ENTPD1: variants seen among roughly 807,000 people sequenced by gnomAD.
The protein encoded by ENTPD1 is ATP diphosphohydrolase.
ENTPD1 carries 33 observed loss-of-function variants against 57.0 expected under a neutral mutation model. The observed-to-expected ratio is 0.58, with a 90% CI of 0.44 to 0.77. The LOEUF is 0.77. Among genes scored for constraint, ENTPD1 ranks in the 30% least tolerant of loss-of-function variants. The probability of loss-of-function intolerance (pLI) is 0.00; values close to 1 mark genes in which losing one functional copy is unlikely to be tolerated. For synonymous variants in ENTPD1, 202 were observed against 218.8 expected (o/e 0.92, Z 0.68); for missense variants, 501 against 603.4 (o/e 0.83, Z 1.78).
At chr10:95,773,947 C>G (rs1057490388) in intron 1 of ENTPD1, among the ~76,000 whole-genome samples, 1 of 152,192 alleles carries the variant, frequency 6.6e-6, no homozygotes, top group African/African-American at 2.4e-5. Flanking sequence ...TACACTCCCA[C>G]CAACAGTGTA....
intron 8 of ENTPD1, among the ~76,000 whole-genome samples, chr10:95,863,774 C>G (rs190685484): frequency 2.6e-5 from 4 of 152,332 alleles, no homozygotes. Flanking sequence ...TATAAAACAT[C>G]TGGCATAGTT....
At chr10:95,795,921 C>T (rs1196989347) in intron 1 of ENTPD1, among the ~76,000 whole-genome samples, 1 of 152,104 alleles carries the variant, frequency 6.6e-6, no homozygotes, top group Non-Finnish European at 1.5e-5. Flanking sequence ...GAAAAAATAT[C>T]CCATGGAGTT....
intron 3 of ENTPD1, among the ~76,000 whole-genome samples, chr10:95,841,839 T>G (rs1258911839): frequency 6.6e-6 from 1 of 152,176 alleles, no homozygotes; most frequent in Non-Finnish European, 1.5e-5. Context: ...TGTTCCTCTT[T>G]CTTGTAACAG....
chr10:95,844,816 T>G, intron 5 of ENTPD1, 181 bp downstream of exon 5: 5 of 761,820 alleles, frequency 6.6e-6, no homozygotes, highest in Non-Finnish European at 1.1e-5. Context: ...TATAATTCTC[T>G]TACAAGACCT....
At chr10:95,707,663 G>A (rs1326164660), upstream of ENTPD1, among the ~76,000 whole-genome samples, 3 of 152,160 alleles carry the variant, frequency 2.0e-5, no homozygotes, top group African/African-American at 7.2e-5. Context: ...GGAGTGCAGT[G>A]GTGCAATCTT....
At chr10:95,697,849 T>C in the ENTPD1 span, among the ~76,000 whole-genome samples, 2 of 152,064 alleles carry the variant, frequency 1.3e-5, no homozygotes, top group African/African-American at 4.8e-5. Context: ...AGACAGAAAA[T>C]TGGAACCAAG....
At chr10:95,695,857 T>A in the ENTPD1 span, among the ~76,000 whole-genome samples, 1 of 152,218 alleles carries the variant, frequency 6.6e-6, no homozygotes, top group Admixed American at 6.5e-5. Flanking sequence ...TGTTGAACTC[T>A]TTAGAATTAA....
chr10:95,823,454 G>A, intron 2 of ENTPD1, 90 bp downstream of exon 2: 2 of 1,592,918 alleles, frequency 1.3e-6, no homozygotes, highest in South Asian at 1.1e-5. Context: ...TAGAGCATAG[G>A]GGACGAGTTG....
chr10:95,796,133 A>G (rs945149556), intron 1 of ENTPD1, among the ~76,000 whole-genome samples: 5 of 152,204 alleles, frequency 3.3e-5, no homozygotes, highest in African/African-American at 1.2e-4. Context: ...GTTGTGTACT[A>G]AAAGTCTAAA....
rs986526423 is a variant in ENTPD1, at chr10:95,868,575, T to C, written c.*2192T>C. On this transcript the variant is annotated 3_prime_UTR_variant, in exon 10 of 10. Transcript: ENST00000371205. ...CCGCTTTTTTCCTTCTGTCTGCGTA[T>C]ACAAAGCACTGTCATGCACACAATC... 13 of 985,308 alleles carry C rather than the reference T, an allele frequency of 1.3e-5. No individual in the cohort carries two copies. Among genetic ancestry groups the C allele is most frequent in the Non-Finnish European group, 1.6e-5 (13 of 829,948 alleles). 61.0% of individuals were successfully genotyped at this position (985,308 alleles called of 1,614,324 possible).
rs1326235031 is a variant in ENTPD1, at chr10:95,873,144, T to G, written c.*6761T>G. 1 of 983,802 alleles carries G rather than the reference T, an allele frequency of 1.0e-6. No homozygotes were observed. Among genetic ancestry groups the G allele is most frequent in the East Asian group, 1.1e-4 (1 of 8,822 alleles). The allele number at this position is 983,802 out of a possible 1,614,324, so 60.9% of individuals were successfully genotyped here. On this transcript the variant is annotated 3_prime_UTR_variant, in exon 10 of 10. Coordinates refer to ENST00000371205, the MANE Select transcript of ENTPD1 (RefSeq NM_001776.6). ...CCAACAAGCTGCCAGGTAAAGCCAA[T>G]ACATCTGTCCAGGAATCACACTTTG...
chr10:95,792,893 G>A (rs568883840), intron 1 of ENTPD1, among the ~76,000 whole-genome samples: 2 of 152,268 alleles, frequency 1.3e-5, no homozygotes, highest in South Asian at 2.1e-4. Context: ...TTTGGTGTGC[G>A]TAACTGCAAA....
rs2098485869 is a variant in ENTPD1, at chr10:95,876,447, A to C, written c.*10064A>C. The C allele has an allele frequency of 5.7e-6, 7 of 1,231,372 alleles. No individual in the cohort carries two copies. The highest frequency in any genetic ancestry group is 6.1e-6 in the Non-Finnish European group (6 of 987,796). 76.3% of individuals were successfully genotyped at this position (1,231,372 alleles called of 1,614,324 possible). A position where few individuals can be genotyped will look rare whatever the true frequency, so the allele number is the denominator to read the frequency against. On this transcript the variant is annotated 3_prime_UTR_variant, in exon 10 of 10. Transcript: ENST00000371205. The stretch of plus-strand genomic sequence containing the variant: ...CGGTTCTGCAATCTATAGGCATACC[A>C]TAATTGTAATCAATAGCTTAAAAAT...
chr10:95,857,214 C>A (rs2098456696), intron 7 of ENTPD1, among the ~76,000 whole-genome samples: 1 of 152,122 alleles, frequency 6.6e-6, no homozygotes, highest in Non-Finnish European at 1.5e-5. Context: ...GGAGGCCCTG[C>A]TGACTTGATC....
chr10:95,863,515 A>G (rs551016362), intron 8 of ENTPD1, among the ~76,000 whole-genome samples: 3 of 152,336 alleles, frequency 2.0e-5, no homozygotes, highest in African/African-American at 7.2e-5. Context: ...AGAGGAATCA[A>G]TCAAAGGATA....
At chr10:95,769,083 G>A (rs555400769) in intron 1 of ENTPD1, among the ~76,000 whole-genome samples, 1 of 152,310 alleles carries the variant, frequency 6.6e-6, no homozygotes, top group South Asian at 2.1e-4. Flanking sequence ...AGGCAGAAAA[G>A]TTCACTCAGA....
intron 1 of ENTPD1, among the ~76,000 whole-genome samples, chr10:95,770,256 A>AGTGTGTGTGT (rs1555282687): frequency 0.021 from 2,828 of 135,018 alleles, 60 homozygotes; most frequent in African/African-American, 0.051. Context: ...TGAGTGAGTG[A>AGTGTGTGTGT]GTGTGTGTGT....
chr10:95,721,985 T>G (rs566758613), intron 1 of ENTPD1, among the ~76,000 whole-genome samples: 3 of 152,320 alleles, frequency 2.0e-5, no homozygotes, highest in South Asian at 2.1e-4. Flanking sequence ...TCCTGAGTAT[T>G]TCATAACAAC....
chr10:95,792,067 T>C (rs1355007026), intron 1 of ENTPD1, among the ~76,000 whole-genome samples: 1 of 150,208 alleles, frequency 6.7e-6, no homozygotes, highest in African/African-American at 2.5e-5. Flanking sequence ...GTGCCTTGCA[T>C]AGTTAAAAAA....
Sources: gnomAD v4.1 joint callset for allele counts (sites outside exome capture counted in the v4.1 genomes callset) on GRCh38, gnomAD v4.1.1 for gene constraint, MANE v1.5 for transcripts, NCBI Gene and HGNC (gene_info 2026-07-23, HGNC 2026-07-21) for gene names.